Variants in MME observed in about 807,000 individuals in gnomAD.
MME encodes the protein membrane metalloendopeptidase.
In MME, 98 loss-of-function variants were observed where a neutral mutation model predicts 113.2. The observed-to-expected ratio is 0.87, with a 90% confidence interval of 0.74 to 1.02. The LOEUF (loss-of-function observed/expected upper bound fraction) is 1.02, where lower values mean the gene tolerates loss of function less well. Among genes scored for constraint, MME ranks in the 50% least tolerant of loss-of-function variants. MME has a pLI of 0.00. For synonymous variants in MME, 292 were observed against 300.6 expected (o/e 0.97, Z 0.30); for missense variants, 836 against 896.0 (o/e 0.93, Z 0.86).
At chr3:155,077,674 A>T (rs1267210056), upstream of MME, among the ~76,000 whole-genome samples, 1 of 152,096 alleles carries the variant, frequency 6.6e-6, no homozygotes, top group Non-Finnish European at 1.5e-5. Context: ...CCAGAGTTAG[A>T]GACCAGCCTG....
chr3:155,090,508 A>T (rs529207431), intron 3 of MME: 3 of 152,342 alleles, frequency 2.0e-5, no homozygotes, highest in African/African-American at 7.2e-5. Flanking sequence ...TTATAATATT[A>T]TTCCAGCATC....
chr3:155,036,964 C>A (rs1357083828), intron 1 of MME, among the ~76,000 whole-genome samples: 1 of 152,148 alleles, frequency 6.6e-6, no homozygotes, highest in Non-Finnish European at 1.5e-5. Context: ...TTCTCCAGCA[C>A]AATTTTTTGA....
upstream of MME, chr3:155,080,283 G>A (rs368302087): frequency 3.3e-5 from 5 of 152,668 alleles, no homozygotes; most frequent in East Asian, 9.7e-4. Flanking sequence ...GAGGGCTCTG[G>A]AAGTCACGTC....
intron 16 of MME, chr3:155,158,552 T>C (rs1211577588): frequency 2.6e-5 from 4 of 152,074 alleles, no homozygotes; most frequent in African/African-American, 9.7e-5. Flanking sequence ...TGAATTATAG[T>C]AACTGTCTGA....
intron 8 of MME, 137 bp from the exon 9 acceptor site, chr3:155,137,965 A>T: frequency 1.0e-6 from 1 of 969,790 alleles, no homozygotes; most frequent in Non-Finnish European, 1.6e-6. Flanking sequence ...TCATTTCTTT[A>T]AATACTTAGA....
At chr3:155,050,471 TC>T (rs775171534) in intron 1 of MME, among the ~76,000 whole-genome samples, 17 of 152,200 alleles carry the variant, frequency 1.1e-4, no homozygotes, top group Non-Finnish European at 2.2e-4. Flanking sequence ...TATTCCCTTT[TC>T]CCTGCAACCT....
rs557812406 is a variant in MME, at chr3:155,044,594, C to T, written c.-11+20270C>T. Among the ~76,000 whole-genome samples the T allele has an allele frequency of 1.2e-4, 18 of 151,472 alleles. 1 individual carries two copies. Among genetic ancestry groups the T allele is most frequent in the African/African-American group, 4.4e-4 (18 of 41,272 alleles). ...GGAGTGCAATGGCACAATCTCAGCT[C>T]ATGCAACTTCTGCCTCCCGGGTTCA... On this transcript the variant is annotated intron_variant, in intron 1 of 22. Coordinates refer to the MME transcript ENST00000492661.
intron 1 of MME, among the ~76,000 whole-genome samples, chr3:155,053,797 C>G (rs953454692): frequency 2.0e-5 from 3 of 152,230 alleles, no homozygotes; most frequent in East Asian, 1.9e-4. Flanking sequence ...AGGGCAGAAC[C>G]ACAGATACAA....
At chr3:155,119,663 C>T (rs1442684579) in intron 8 of MME, among the ~76,000 whole-genome samples, 210 of 147,338 alleles carry the variant, frequency 1.4e-3, no homozygotes, top group Admixed American at 2.4e-3. Flanking sequence ...TGAGAATATG[C>T]GGTGTTTGGT....
chr3:155,079,866 C>T (rs1315364536), upstream of MME: 3 of 152,274 alleles, frequency 2.0e-5, no homozygotes, highest in Admixed American at 2.0e-4. Flanking sequence ...AGCCTGGAGC[C>T]CGCGCGCCTT....
At position 155,141,894 on chromosome 3, in the gene MME, A is replaced by C. The variant is rs1721116003; in HGVS notation, c.958-97A>C. On this transcript the variant is annotated intron_variant, in intron 10 of 22. Coordinates refer to ENST00000360490, the MANE Select transcript of MME (RefSeq NM_007289.4). ...AACAATTGAGGAAGAATCCCAAGTG[A>C]ATATCAAACTGATCCAACCCTCTAA... 2.3e-6 allele frequency: 3 copies of C among 1,297,560 alleles called. No individual in the cohort carries two copies. The East Asian group carries it at 7.2e-5, about 31-fold the overall frequency. 80.4% of individuals were successfully genotyped at this position (1,297,560 alleles called of 1,614,324 possible). A position where few individuals can be genotyped will look rare whatever the true frequency, so the allele number is the denominator to read the frequency against.
At chr3:155,095,676 G>C (rs1170768934) in intron 3 of MME, among the ~76,000 whole-genome samples, 3 of 151,842 alleles carry the variant, frequency 2.0e-5, no homozygotes, top group Non-Finnish European at 4.4e-5. Flanking sequence ...CACCATACCT[G>C]GCATTCATTT....
rs369803379 is a variant in MME at position 155,096,735 on chromosome 3, T to A, written c.196+11641T>A. Among the ~76,000 whole-genome samples the A allele has an allele frequency of 3.3e-5, 5 of 152,140 alleles. No homozygotes were observed. In the East Asian group the frequency reaches 7.7e-4, roughly 23 times the overall value. ...CTGTTGTTTGTTTGTTTGTTTGTTTTGAGACAGGGTCTCACTCTGTCACCC... is the reference window on the plus strand; with the variant it reads ...CTGTTGTTTGTTTGTTTGTTTGTTTAGAGACAGGGTCTCACTCTGTCACCC... On this transcript the variant is annotated intron_variant, in intron 3 of 22. Coordinates refer to ENST00000360490, the MANE Select transcript of MME (RefSeq NM_007289.4).
At chr3:155,110,747 G>A (rs996926051) in intron 3 of MME, among the ~76,000 whole-genome samples, 30 of 152,100 alleles carry the variant, frequency 2.0e-4, no homozygotes, top group African/African-American at 6.5e-4. Context: ...GGAAAATAAA[G>A]GTAAGCAAAT....
intron 1 of MME, among the ~76,000 whole-genome samples, chr3:155,073,286 T>G (rs1714640429): frequency 6.6e-6 from 1 of 152,226 alleles, no homozygotes; most frequent in South Asian, 2.1e-4. Context: ...CAAACAGACA[T>G]TAAAATGAAG....
At chr3:155,104,937 C>G (rs1224397636) in intron 3 of MME, among the ~76,000 whole-genome samples, 1 of 152,018 alleles carries the variant, frequency 6.6e-6, no homozygotes, top group East Asian at 1.9e-4. Context: ...CAAATTGCAC[C>G]TGAAAAAGAA....
rs1349782617 is a variant in MME at position 155,140,214 on chromosome 3, A to C, written c.879A>C (p.Arg293=). 6.2e-7 allele frequency: 1 copy of C among 1,612,052 alleles called. No homozygotes were observed. The highest frequency in any genetic ancestry group is 1.3e-5 in the African/African-American group (1 of 74,858). ...AGGCTACGGCTAAACCTGAAGATCG[A>C]AATGATCCAATGCTTCTGTATAACA... is the stretch of plus-strand genomic sequence containing the variant. The part of the protein sequence containing the change: ...IANATAKPED[R]NDPMLLYNKM... Residue 293 remains arginine (R), a synonymous_variant, in exon 10 of 23, where the codon CGA becomes CGC. Transcript: ENST00000360490.
At chr3:155,085,690 C>T (rs775289441) in intron 3 of MME, 9 of 152,414 alleles carry the variant, frequency 5.9e-5, no homozygotes, top group Non-Finnish European at 1.0e-4. Flanking sequence ...CACCACCACG[C>T]CTGGCTAATT....
exon 1 of MME, chr3:155,024,220 C>CT (rs1289653223): frequency 6.6e-6 from 1 of 152,150 alleles, no homozygotes; most frequent in African/African-American, 2.4e-5. Context: ...CCTACCATGG[C>CT]TGGGGATACA....
Sources: gnomAD v4.1 joint callset for allele counts (sites outside exome capture counted in the v4.1 genomes callset) on GRCh38, gnomAD v4.1.1 for gene constraint, MANE v1.5 for transcripts, NCBI Gene and HGNC (gene_info 2026-07-23, HGNC 2026-07-21) for gene names.